The following DLGAP4 variants were observed in gnomAD, a reference collection of about 807,000 sequenced individuals.
DLGAP4 encodes the protein disks large-associated protein 4.
Under a neutral mutation model 86.9 loss-of-function variants are expected in DLGAP4, and 18 were observed. That is an observed-to-expected ratio of 0.21 (90% CI 0.14 to 0.31). The LOEUF is 0.31. Among genes scored for constraint, DLGAP4 ranks in the 10% least tolerant of loss-of-function variants. The pLI, the probability that DLGAP4 is intolerant of heterozygous loss-of-function variation, is 1.00. For synonymous variants in DLGAP4, 548 were observed against 574.3 expected (o/e 0.95, Z 0.65); for missense variants, 1,085 against 1,362.6 (o/e 0.80, Z 3.21).
At chr20:36,486,819 C>T (rs1228628230) in intron 7 of DLGAP4, among the ~76,000 whole-genome samples, 1 of 151,718 alleles carries the variant, frequency 6.6e-6, no homozygotes, top group Non-Finnish European at 1.5e-5. Context: ...ACCATGTTGG[C>T]CAGGCTGGTC....
intron 10 of DLGAP4, 63 bp from the exon 11 acceptor site, chr20:36,524,187 G>A: frequency 7.4e-7 from 1 of 1,350,790 alleles, no homozygotes; most frequent in South Asian, 1.2e-5. Flanking sequence ...TTAAAAGCAT[G>A]ATGCCATCCC....
At chr20:36,470,124 T>C (rs949706776) in intron 7 of DLGAP4, among the ~76,000 whole-genome samples, 29 of 152,138 alleles carry the variant, frequency 1.9e-4, no homozygotes, top group African/African-American at 5.3e-4. Context: ...CAGGATCCCA[T>C]ACTGAGAGAC....
chr20:36,381,911 C>T (rs2031407617), intron 2 of DLGAP4, among the ~76,000 whole-genome samples: 1 of 152,222 alleles, frequency 6.6e-6, no homozygotes, highest in East Asian at 1.9e-4. Flanking sequence ...GCATCTGATC[C>T]CCTTGGAATC....
At chr20:36,420,399 G>A (rs1160670280) in intron 2 of DLGAP4, among the ~76,000 whole-genome samples, 1 of 152,152 alleles carries the variant, frequency 6.6e-6, no homozygotes, top group East Asian at 1.9e-4. Context: ...GAAGTGAGGG[G>A]GCATTGTGTG....
At position 36,401,480 on chromosome 20, in the gene DLGAP4, C is replaced by G. The variant is rs984977118; in HGVS notation, c.-72-30166C>G. Among the ~76,000 whole-genome samples, 3 of 152,350 alleles carry G rather than the reference C, an allele frequency of 2.0e-5. No individual in the cohort carries two copies. The East Asian group carries it at 5.8e-4, about 29-fold the overall frequency. The stretch of plus-strand genomic sequence containing the variant: ...CCTCAGGCAGGCGGCTTTTCCCTCC[C>G]GGGCTGTGTGTCCTCACCTGCGGAA... On this transcript the variant is annotated intron_variant, in intron 2 of 12. Transcript: ENST00000339266.
In DLGAP4 at chr20:36,318,920, A is replaced by G. The variant is rs556177971; in HGVS notation, c.-304+12408A>G. ...TAGCACTTTGGGAGGCCAAGGCGGG[A>G]GGATCATGAGGTCAAGAGATGGAGA... On this transcript the variant is annotated intron_variant, in intron 1 of 12. Transcript: ENST00000339266. 3.3e-5 allele frequency among the ~76,000 whole-genome samples: 5 copies of G among 152,156 alleles called. No homozygotes were observed. In the East Asian group the frequency reaches 9.7e-4, roughly 29 times the overall value.
chr20:36,378,529 A>T (rs567722860), intron 2 of DLGAP4, among the ~76,000 whole-genome samples: 1 of 152,288 alleles, frequency 6.6e-6, no homozygotes, highest in African/African-American at 2.4e-5. Context: ...GATTGGTGTA[A>T]CCAGTGGCAG....
At chr20:36,399,956 T>C (rs2032108686) in intron 2 of DLGAP4, among the ~76,000 whole-genome samples, 1 of 152,312 alleles carries the variant, frequency 6.6e-6, no homozygotes, top group African/African-American at 2.4e-5. Context: ...GGCAGGAAAC[T>C]GGTAACATTC....
At chr20:36,467,757 C>T (rs559157013) in intron 7 of DLGAP4, among the ~76,000 whole-genome samples, 1 of 152,310 alleles carries the variant, frequency 6.6e-6, no homozygotes, top group Non-Finnish European at 1.5e-5. Flanking sequence ...TTGGGTGTTG[C>T]TGGTTTGGGG....
At chr20:36,502,360 T>G (rs780751463) in intron 10 of DLGAP4, among the ~76,000 whole-genome samples, 2 of 152,152 alleles carry the variant, frequency 1.3e-5, no homozygotes, top group Non-Finnish European at 2.9e-5. Flanking sequence ...TTAAAAAAAT[T>G]TTTTAAGAGA....
rs138855334 is a variant in DLGAP4 at position 36,350,317 on chromosome 20, G to A, written c.-303-16728G>A. Among the ~76,000 whole-genome samples, 38 of 152,246 alleles carry A rather than the reference G, an allele frequency of 2.5e-4. No homozygotes were observed. The East Asian group carries it at 5.8e-3, about 23-fold the overall frequency. On this transcript the variant is annotated intron_variant, in intron 1 of 12. Transcript: ENST00000339266. This position sits in a 1 kb window ranked among gnomAD's most constrained non-coding sequence, Gnocchi z 4.4. ...GAGTAGCCCAGCAGCTGTGGGAGGC[G>A]GGAGCAAGTGCCTGGGTGAGAGCAG...
chr20:36,505,965 A>G (rs1259702451), intron 10 of DLGAP4, among the ~76,000 whole-genome samples: 2 of 152,190 alleles, frequency 1.3e-5, no homozygotes, highest in Non-Finnish European at 2.9e-5. Context: ...ACATAAGTAG[A>G]TCTTTGCAGT....
intron 2 of DLGAP4, among the ~76,000 whole-genome samples, chr20:36,406,303 CAGG>C (rs1183849134): frequency 1.3e-5 from 2 of 149,538 alleles, no homozygotes; most frequent in Admixed American, 6.8e-5. Context: ...GAGGCTGAGG[CAGG>C]AGAATGGCGT....
At chr20:36,404,186 C>A (rs1265906254) in intron 2 of DLGAP4, among the ~76,000 whole-genome samples, 3 of 152,178 alleles carry the variant, frequency 2.0e-5, no homozygotes, top group African/African-American at 7.2e-5. Context: ...CTTCCAGTGT[C>A]AGATGTCCAC....
intron 1 of DLGAP4, among the ~76,000 whole-genome samples, chr20:36,354,859 T>C (rs2030273798): frequency 6.6e-6 from 1 of 152,094 alleles, no homozygotes. Context: ...AGAGGACTGA[T>C]TGAGCCCAGG....
intron 7 of DLGAP4, among the ~76,000 whole-genome samples, chr20:36,488,871 T>C (rs2035536166): frequency 6.6e-6 from 1 of 152,204 alleles, no homozygotes; most frequent in East Asian, 1.9e-4. Flanking sequence ...TGTGCCCAGC[T>C]GAAAGATTCT....
intron 1 of DLGAP4, among the ~76,000 whole-genome samples, chr20:36,359,430 C>T (rs6072022): frequency 0.4 from 60,856 of 152,046 alleles, 12,338 homozygotes; most frequent in East Asian, 0.59. Flanking sequence ...GACAGCATTC[C>T]TCCATGCCTT....
chr20:36,341,313 C>G (rs1815953337), intron 1 of DLGAP4, among the ~76,000 whole-genome samples: 1 of 152,228 alleles, frequency 6.6e-6, no homozygotes, highest in Admixed American at 6.5e-5. Context: ...GTCCCAGGCC[C>G]TTGGGACACT....
At chr20:36,515,618 TCTCA>T (rs1435266822) in intron 10 of DLGAP4, among the ~76,000 whole-genome samples, 2 of 152,250 alleles carry the variant, frequency 1.3e-5, no homozygotes, top group Non-Finnish European at 2.9e-5. Flanking sequence ...AGAGATGGTC[TCTCA>T]CTATGTTGCC....
Sources: gnomAD v4.1 joint callset for allele counts (sites outside exome capture counted in the v4.1 genomes callset) on GRCh38, gnomAD v4.1.1 for gene constraint, Gnocchi (gnomAD v3.1) non-coding constraint, MANE v1.5 for transcripts, NCBI Gene and HGNC (gene_info 2026-07-23, HGNC 2026-07-21) for gene names.